Variants in DMC1 observed in about 807,000 individuals in gnomAD.
DMC1 encodes DNA meiotic recombinase 1.
In DMC1, 27 loss-of-function variants were observed where a neutral mutation model predicts 50.1. The observed-to-expected ratio is 0.54, with a 90% CI of 0.40 to 0.74. DMC1 has a LOEUF of 0.74. DMC1 is among the 30% of genes least tolerant of loss of function. The pLI is 0.00. For missense variants in DMC1, 295 were observed against 420.2 expected (o/e 0.70, Z 2.60); for synonymous variants, 148 against 136.1 (o/e 1.09, Z -0.61).
chr22:38,514,311 C>G (rs1358979546), downstream of DMC1, among the ~76,000 whole-genome samples: 2 of 118,916 alleles, frequency 1.7e-5, no homozygotes, highest in Non-Finnish European at 1.6e-5. Context: ...GTGGCATGAT[C>G]TCTGCTCACT....
chr22:38,524,448 T>C (rs1158303137), intron 12 of DMC1, among the ~76,000 whole-genome samples: 2 of 151,758 alleles, frequency 1.3e-5, no homozygotes, highest in Non-Finnish European at 2.9e-5. Context: ...TAAAATAAAA[T>C]AAAACTAATA....
chr22:38,552,629 C>A, intron 7 of DMC1, 37 bp downstream of exon 7: 4 of 1,393,736 alleles, frequency 2.9e-6, no homozygotes, highest in Non-Finnish European at 4.1e-6. Context: ...AAGTAATAGC[C>A]ATGATTATTA....
chr22:38,567,515 T>A (rs1181211708), intron 3 of DMC1, 68 bp downstream of exon 3: 2 of 1,307,844 alleles, frequency 1.5e-6, no homozygotes, highest in Non-Finnish European at 2.2e-6. Context: ...CAGGCCCAAA[T>A]GTCCATAAGG....
At chr22:38,559,174 C>G in intron 5 of DMC1, among the ~76,000 whole-genome samples, 1 of 152,088 alleles carries the variant, frequency 6.6e-6, no homozygotes, top group Non-Finnish European at 1.5e-5. Context: ...TGACCACAGG[C>G]ACATGCCACC....
At chr22:38,535,298 CAAA>C (rs1213663157) in intron 12 of DMC1, among the ~76,000 whole-genome samples, 2 of 96,212 alleles carry the variant, frequency 2.1e-5, no homozygotes, top group Non-Finnish European at 2.2e-5. Context: ...GACTCCGTCT[CAAA>C]AAAAAAAAAA....
the DMC1 span, among the ~76,000 whole-genome samples, chr22:38,512,771 G>A: frequency 1.3e-5 from 2 of 152,270 alleles, no homozygotes; most frequent in Admixed American, 1.3e-4. Context: ...GCTAACTAAG[G>A]CAAAGGGAAA....
Position 38,537,616 on chromosome 22 carries a change from G to C in DMC1, c.812C>G (p.Thr271Ser). 6.2e-7 allele frequency: 1 copy of C among 1,614,052 alleles called. No homozygotes were observed. Among genetic ancestry groups the C allele is most frequent in the Non-Finnish European group, 8.5e-7 (1 of 1,179,972 alleles). ...CGTCATAGTTGCTCCTGGATCGGCA[G>C]TCATTTGATTGGTCACAAAAACAGC... Reference protein sequence around the residue: ...NVAVFVTNQMTADPGATMTFQ... With the variant: ...NVAVFVTNQMSADPGATMTFQ... Residue 271 changes from threonine to serine, a missense_variant, in exon 12 of 14, where the codon ACT (threonine) becomes AGT (serine). Coordinates refer to ENST00000216024, the MANE Select transcript of DMC1 (RefSeq NM_007068.4).
intron 12 of DMC1, among the ~76,000 whole-genome samples, chr22:38,533,097 T>C (rs958820997): frequency 6.6e-6 from 1 of 151,922 alleles, no homozygotes; most frequent in Admixed American, 6.6e-5. Context: ...AAAATACTTA[T>C]AAAAGGGTCT....
intron 12 of DMC1, among the ~76,000 whole-genome samples, chr22:38,532,540 T>G (rs560827813): frequency 6.6e-6 from 1 of 152,200 alleles, no homozygotes; most frequent in South Asian, 2.1e-4. Context: ...CAGCCTGGTC[T>G]CGATCTCCTG....
intron 9 of DMC1, among the ~76,000 whole-genome samples, chr22:38,538,940 GTAGGAGAATCAC>G (rs1455443984): frequency 2.6e-5 from 4 of 151,912 alleles, no homozygotes; most frequent in African/African-American, 9.7e-5. Context: ...GGAGGCTGAG[GTAGGAGAATCAC>G]TTGAAGCCAG....
chr22:38,565,767 GC>G (rs2090575040), intron 4 of DMC1, among the ~76,000 whole-genome samples: 1 of 152,240 alleles, frequency 6.6e-6, no homozygotes, highest in Admixed American at 6.5e-5. Flanking sequence ...GTGAGCACAT[GC>G]TTGGTCATAT....
intron 5 of DMC1, among the ~76,000 whole-genome samples, chr22:38,559,552 C>T (rs2145986814): frequency 6.6e-6 from 1 of 152,304 alleles, no homozygotes; most frequent in South Asian, 2.1e-4. Flanking sequence ...GTATATGGTA[C>T]TTCTCAAACT....
chr22:38,533,297 G>T (rs1055683292), intron 12 of DMC1, among the ~76,000 whole-genome samples: 4 of 150,660 alleles, frequency 2.7e-5, no homozygotes, highest in African/African-American at 4.9e-5. Flanking sequence ...TAGGGAGGCC[G>T]AGGTGACAGA....
intron 12 of DMC1, among the ~76,000 whole-genome samples, chr22:38,523,803 T>C (rs2090057094): frequency 6.6e-6 from 1 of 152,172 alleles, no homozygotes; most frequent in African/African-American, 2.4e-5. Flanking sequence ...CTTAAGATAT[T>C]TATGCTACAA....
intron 8 of DMC1, among the ~76,000 whole-genome samples, chr22:38,540,588 T>A (rs2090269910): frequency 6.6e-6 from 1 of 152,200 alleles, no homozygotes; most frequent in South Asian, 2.1e-4. Flanking sequence ...CTGATCCCAG[T>A]ATAAGTAACT....
intron 12 of DMC1, among the ~76,000 whole-genome samples, chr22:38,530,923 AGC>A (rs1245119572): frequency 1.3e-5 from 2 of 152,084 alleles, no homozygotes; most frequent in African/African-American, 4.8e-5. Context: ...TACAAAAATT[AGC>A]CAGGTGTGGT....
At chr22:38,518,721 G>A (rs937294509), downstream of DMC1, among the ~76,000 whole-genome samples, 2 of 151,996 alleles carry the variant, frequency 1.3e-5, no homozygotes, top group Admixed American at 6.6e-5. Flanking sequence ...TTGTAGAGAC[G>A]GGGTTTTGCC....
chr22:38,561,945 A>G (rs1724304482), intron 5 of DMC1, among the ~76,000 whole-genome samples: 1 of 152,212 alleles, frequency 6.6e-6, no homozygotes, highest in African/African-American at 2.4e-5. Context: ...TAATCTAACA[A>G]TTGCTTTTTG....
chr22:38,545,973 G>C (rs145231581), intron 8 of DMC1: 17 of 152,124 alleles, frequency 1.1e-4, no homozygotes, highest in Non-Finnish European at 1.2e-4. Context: ...TATGAGACAC[G>C]GAAAGAATGA....
Sources: gnomAD v4.1 joint callset for allele counts (sites outside exome capture counted in the v4.1 genomes callset) on GRCh38, gnomAD v4.1.1 for gene constraint, MANE v1.5 for transcripts, NCBI Gene and HGNC (gene_info 2026-07-23, HGNC 2026-07-21) for gene names.